The following RBFOX1 variants were observed in gnomAD, a reference collection of about 807,000 sequenced individuals.
RBFOX1 encodes RNA binding fox-1 homolog 1, also known as RNA binding protein fox-1 homolog 1.
RBFOX1 carries 8 observed loss-of-function variants against 57.7 expected under a neutral mutation model. The observed-to-expected ratio is 0.14, with a 90% CI of 0.08 to 0.25. RBFOX1 has a LOEUF of 0.25. Among genes scored for constraint, RBFOX1 ranks in the 10% least tolerant of loss-of-function variants. RBFOX1 has a pLI of 1.00. For synonymous variants in RBFOX1, 326 were observed against 222.4 expected (o/e 1.47, Z -4.15); for missense variants, 611 against 548.5 (o/e 1.11, Z -1.14).
chr16:7,076,500 G>C (rs1383846986), intron 4 of RBFOX1, among the ~76,000 whole-genome samples: 1 of 152,072 alleles, frequency 6.6e-6, no homozygotes, highest in Non-Finnish European at 1.5e-5. Flanking sequence ...ATTTTCATAT[G>C]CCTAATATAC....
chr16:5,712,340 ATAT>A (rs2051521589), intron 3 of RBFOX1, among the ~76,000 whole-genome samples: 1 of 152,194 alleles, frequency 6.6e-6, no homozygotes, highest in African/African-American at 2.4e-5. Context: ...GAGATTAGAA[ATAT>A]TATATTTATT....
At chr16:7,067,959 T>C (rs1333968597) in intron 4 of RBFOX1, among the ~76,000 whole-genome samples, 7 of 146,502 alleles carry the variant, frequency 4.8e-5, no homozygotes, top group Non-Finnish European at 8.9e-5. Context: ...CCATTTTTTT[T>C]TTTTTTTTTT....
intron 1 of RBFOX1, among the ~76,000 whole-genome samples, chr16:5,410,282 A>T (rs963646155): frequency 6.6e-6 from 1 of 151,728 alleles, no homozygotes; most frequent in Non-Finnish European, 1.5e-5. Flanking sequence ...GAGGCAGGAG[A>T]ATCACCTGTG....
At chr16:7,705,287 A>G (rs1353925259) in intron 14 of RBFOX1, among the ~76,000 whole-genome samples, 4 of 152,086 alleles carry the variant, frequency 2.6e-5, no homozygotes, top group African/African-American at 9.7e-5. Context: ...CAGGAGGATC[A>G]CGAGGTCAGG....
chr16:5,541,399 G>T (rs1186217213), intron 2 of RBFOX1, among the ~76,000 whole-genome samples: 2 of 152,040 alleles, frequency 1.3e-5, no homozygotes, highest in Non-Finnish European at 2.9e-5. Context: ...TCGGGGCACA[G>T]CCTGGATTTC....
chr16:5,338,327 A>G (rs2064949891), intron 1 of RBFOX1, among the ~76,000 whole-genome samples: 1 of 152,174 alleles, frequency 6.6e-6, no homozygotes, highest in Admixed American at 6.5e-5. Flanking sequence ...CTGGGACTTT[A>G]TAATTGGGAA....
At chr16:7,322,176 C>G (rs1258124721) in intron 4 of RBFOX1, among the ~76,000 whole-genome samples, 1 of 152,218 alleles carries the variant, frequency 6.6e-6, no homozygotes, top group Admixed American at 6.5e-5. Context: ...CAGAGAGAAG[C>G]CATCTCCTGT....
intron 3 of RBFOX1, among the ~76,000 whole-genome samples, chr16:6,715,358 G>A (rs1369589104): frequency 6.6e-6 from 1 of 152,034 alleles, no homozygotes; most frequent in African/African-American, 2.4e-5. Context: ...GACAGATGGG[G>A]TGAGTGATTT....
intron 3 of RBFOX1, among the ~76,000 whole-genome samples, chr16:5,722,703 C>G (rs59692183): frequency 0.079 from 12,019 of 152,216 alleles, 1,554 homozygotes; most frequent in African/African-American, 0.27. Context: ...ATACCCAGCT[C>G]TTTCCCAGCT....
chr16:5,589,931 G>A (rs552656351), intron 2 of RBFOX1, among the ~76,000 whole-genome samples: 1 of 152,240 alleles, frequency 6.6e-6, no homozygotes, highest in South Asian at 2.1e-4. Flanking sequence ...GGGCCACTGG[G>A]CCATGGTACC....
intron 3 of RBFOX1, among the ~76,000 whole-genome samples, chr16:6,702,246 T>C (rs1428041692): frequency 2.0e-5 from 3 of 152,140 alleles, no homozygotes; most frequent in Non-Finnish European, 4.4e-5. Flanking sequence ...ACATGAGATA[T>C]GGATGGGACA....
At chr16:6,885,938 A>G (rs1373628420) in intron 3 of RBFOX1, among the ~76,000 whole-genome samples, 4 of 152,258 alleles carry the variant, frequency 2.6e-5, no homozygotes, top group Non-Finnish European at 1.5e-5. Context: ...ATAAAATAAA[A>G]TGATTTCTCT....
chr16:7,029,525 C>T (rs1177117713), intron 3 of RBFOX1, among the ~76,000 whole-genome samples: 1 of 151,910 alleles, frequency 6.6e-6, no homozygotes, highest in Admixed American at 6.6e-5. Context: ...AGAGTGCTAG[C>T]TCTTAAGAAA....
intron 2 of RBFOX1, among the ~76,000 whole-genome samples, chr16:6,338,923 A>G (rs2084138231): frequency 6.6e-6 from 1 of 152,158 alleles, no homozygotes; most frequent in African/African-American, 2.4e-5. Context: ...AATGCAGGAG[A>G]ATGAAATGGG....
At chr16:5,911,211 C>G (rs1362745572) in intron 4 of RBFOX1, among the ~76,000 whole-genome samples, 1 of 152,164 alleles carries the variant, frequency 6.6e-6, no homozygotes, top group Non-Finnish European at 1.5e-5. Context: ...TGGATCCACC[C>G]TGTTCTCTAG....
chr16:6,859,814 T>A (rs1449590831), intron 3 of RBFOX1, among the ~76,000 whole-genome samples: 1 of 151,018 alleles, frequency 6.6e-6, no homozygotes, highest in Non-Finnish European at 1.5e-5. Flanking sequence ...ATATTTTTTC[T>A]GCCATTCTTG....
chr16:5,501,828 C>T (rs2043207930), intron 2 of RBFOX1, among the ~76,000 whole-genome samples: 1 of 152,164 alleles, frequency 6.6e-6, no homozygotes, highest in South Asian at 2.1e-4. Context: ...ATTCTCCTGC[C>T]TCAGCCTCCC....
At chr16:6,499,772 C>A (rs192164116) in intron 2 of RBFOX1, among the ~76,000 whole-genome samples, 1 of 152,224 alleles carries the variant, frequency 6.6e-6, no homozygotes, top group East Asian at 1.9e-4. Context: ...CAGAAAGTCT[C>A]CATTTATGGT....
chr16:7,469,800 G>C (rs1244031597), intron 4 of RBFOX1, among the ~76,000 whole-genome samples: 1 of 152,046 alleles, frequency 6.6e-6, no homozygotes, highest in Non-Finnish European at 1.5e-5. Flanking sequence ...TTTTCATCTT[G>C]TGAAACTGAA....
Sources: gnomAD v4.1 joint callset for allele counts (sites outside exome capture counted in the v4.1 genomes callset) on GRCh38, gnomAD v4.1.1 for gene constraint, MANE v1.5 for transcripts, NCBI Gene and HGNC (gene_info 2026-07-23, HGNC 2026-07-21) for gene names.